TTYH1: variants seen among roughly 807,000 people sequenced by gnomAD.
TTYH1 encodes protein tweety homolog 1.
TTYH1 carries 33 observed loss-of-function variants against 61.2 expected under a neutral mutation model. That is an observed-to-expected ratio of 0.54 (90% confidence interval 0.41 to 0.72). The LOEUF (loss-of-function observed/expected upper bound fraction) is 0.72. Among genes scored for constraint, TTYH1 ranks in the 30% least tolerant of loss-of-function variants. The pLI is 0.00. For missense variants in TTYH1, 538 were observed against 575.8 expected, an observed-to-expected ratio of 0.93 and a Z score of 0.67; for synonymous variants, 308 against 266.4, an observed-to-expected ratio of 1.16 and a Z score of -1.52.
intron 4 of TTYH1, among the ~76,000 whole-genome samples, chr19:54,424,979 C>T (rs1455656662): frequency 6.6e-6 from 1 of 152,096 alleles, no homozygotes; most frequent in African/African-American, 2.4e-5. Context: ...ACCTGGGGTT[C>T]TTGGCCTCAC....
Position 54,436,322 on chromosome 19 carries a change from T to C in TTYH1, c.*43-11T>C, listed in dbSNP as rs747968470. 25 of 1,614,028 alleles carry C rather than the reference T, an allele frequency of 1.5e-5. No homozygotes were observed. The highest frequency in any genetic ancestry group is 2.0e-5 in the Non-Finnish European group (24 of 1,179,998). On this transcript the variant is annotated splice_polypyrimidine_tract_variant and intron_variant, in intron 13 of 13. Coordinates refer to ENST00000376530, the MANE Select transcript of TTYH1 (RefSeq NM_020659.4). This position sits in a 1 kb window ranked among gnomAD's most constrained non-coding sequence, Gnocchi z 4.3. ...CCTGCATCACTGCCCTGTCTCTCCC[T>C]CTCTCCGCAGTTCCTTCCCTGGCTG...
Position 54,421,307 on chromosome 19 carries a change from C to G in TTYH1, c.336C>G (p.Asn112Lys). 6.2e-7 allele frequency: 1 copy of G among 1,613,676 alleles called. No homozygotes were observed. Among genetic ancestry groups the G allele is most frequent in the South Asian group, 1.1e-5 (1 of 91,084 alleles). Residue 112 changes from asparagine (N) to lysine (K), a missense_variant, in exon 3 of 14, where the codon AAC becomes AAG. Asn to Lys is a moderately conservative substitution (Grantham distance 94, BLOSUM62 0). Coordinates refer to ENST00000376530, the MANE Select transcript of TTYH1 (RefSeq NM_020659.4). The surrounding 1 kb of genome is among the most constrained non-coding windows in gnomAD (Gnocchi z 4.8). ...CTGIGIGFYG[N>K]SETSDGVSQL... ...GCATTGGCATCGGTTTCTATGGCAA[C>G]AGTGAGACCAGTGATGGGGTGTCCC...
chr19:54,415,984 G>A lies in TTYH1; in HGVS notation c.126+306G>A. 7.6e-7 allele frequency: 1 copy of A among 1,312,216 alleles called. No individual in the cohort carries two copies. Among genetic ancestry groups the A allele is most frequent in the Non-Finnish European group, 1.0e-6 (1 of 982,496 alleles). 81.3% of individuals were successfully genotyped at this position (1,312,216 alleles called of 1,614,324 possible). ...TCCCGGGTGTCTGATACCTGCCTGG[G>A]AAGCCGGCCTCCAGGGTCATCGGGA... On this transcript the variant is annotated intron_variant, in intron 1 of 13. Coordinates refer to ENST00000376530, the MANE Select transcript of TTYH1 (RefSeq NM_020659.4). This position sits in a 1 kb window ranked among gnomAD's most constrained non-coding sequence, Gnocchi z 5.2.
chr19:54,436,053 T>C lies in TTYH1; in HGVS notation c.1315-38T>C. 6.2e-7 allele frequency: 1 copy of C among 1,605,722 alleles called. No homozygotes were observed. The highest frequency in any genetic ancestry group is 8.5e-7 in the Non-Finnish European group (1 of 1,172,914). ...CAGTACAAAGCCAATTCCCACTCCATTCCCTCCTCTCCCCCGCTACCCCGA... is the reference window on the plus strand; with the variant it reads ...CAGTACAAAGCCAATTCCCACTCCACTCCCTCCTCTCCCCCGCTACCCCGA... On this transcript the variant is annotated intron_variant, in intron 12 of 13. Coordinates refer to ENST00000376530, the MANE Select transcript of TTYH1 (RefSeq NM_020659.4). This position sits in a 1 kb window ranked among gnomAD's most constrained non-coding sequence, Gnocchi z 4.3.
Position 54,435,862 on chromosome 19 carries a change from T to C in TTYH1, c.1303T>C (p.Phe435Leu), listed in dbSNP as rs759538204. The change falls in exon 12 of 14, where the codon TTC becomes CTC. Residue 435 changes from phenylalanine to leucine, a missense_variant. Transcript: ENST00000376530. ...DYDDTDDDDP[F>L]NPQESKRFVQ... is the part of the protein sequence containing the mutation. Reference sequence around the variant, plus strand: ...CGATGACACAGACGATGACGACCCTTTCAACCCTCAGGTACTGGATGCCTG... The same window carrying C: ...CGATGACACAGACGATGACGACCCTCTCAACCCTCAGGTACTGGATGCCTG... The C allele has an allele frequency of 6.2e-7, 1 of 1,610,864 alleles. No homozygotes were observed. Among genetic ancestry groups the C allele is most frequent in the Admixed American group, 1.7e-5 (1 of 60,012 alleles).
Position 54,429,449 on chromosome 19 carries a change from G to C in TTYH1, c.807+70G>C, listed in dbSNP as rs982542508. The C allele has an allele frequency of 1.0e-5, 14 of 1,398,612 alleles. No homozygotes were observed. Among genetic ancestry groups the C allele is most frequent in the Non-Finnish European group, 1.3e-5 (13 of 991,294 alleles). The allele number at this position is 1,398,612 out of a possible 1,614,324, so 86.6% of individuals were successfully genotyped here. A position where few individuals can be genotyped will look rare whatever the true frequency, so the allele number is the denominator to read the frequency against. Reference sequence around the variant, plus strand: ...CTGGAGACTTCAACTTCTGGATCTCGGGATGGCATGGCTTAGTAGAGAAAG... The same window carrying C: ...CTGGAGACTTCAACTTCTGGATCTCCGGATGGCATGGCTTAGTAGAGAAAG... On this transcript the variant is annotated intron_variant, in intron 6 of 13. Transcript: ENST00000376530. This position sits in a 1 kb window ranked among gnomAD's most constrained non-coding sequence, Gnocchi z 5.1.
chr19:54,434,644 T>C lies in TTYH1; in HGVS notation c.1126-898T>C, dbSNP rs932745332. On this transcript the variant is annotated intron_variant, in intron 10 of 13. Coordinates refer to ENST00000376530, the MANE Select transcript of TTYH1 (RefSeq NM_020659.4). The surrounding 1 kb of genome is among the most constrained non-coding windows in gnomAD (Gnocchi z 4.3). ...GTCAACCCCCACTGAATACATACGC[T>C]GTGCAGGTGCTTAGCACTCGGTGAA... The C allele has an allele frequency of 2.0e-5, 3 of 152,270 alleles. No homozygotes were observed. Among genetic ancestry groups the C allele is most frequent in the South Asian group, 2.1e-4 (1 of 4,832 alleles). The allele number at this position is 152,270 out of a possible 1,614,324, so 9.4% of individuals were successfully genotyped here.
intron 12 of TTYH1, 94 bp from the exon 13 acceptor site, chr19:54,435,997 T>C: frequency 6.4e-7 from 1 of 1,574,308 alleles, no homozygotes; most frequent in Admixed American, 1.7e-5. Flanking sequence ...CCCGGACTCC[T>C]GGGTCTGAGG....
intron 4 of TTYH1, among the ~76,000 whole-genome samples, chr19:54,422,915 T>G (rs2083248007): frequency 8.9e-6 from 1 of 112,308 alleles, no homozygotes. Context: ...GGCGATAGAG[T>G]GAGACTCCAT....
At position 54,419,146 on chromosome 19, in the gene TTYH1, G is replaced by A; in HGVS notation, c.145G>A (p.Ala49Thr). ...EYQQALLLVA[A>T]LAGLGLGLSL... ...TCCCCAGGCCTTGTTGCTGGTGGCG[G>A]CCTTGGCGGGCCTGGGCTTGGGCCT... The change falls in exon 2 of 14, where the codon GCC (alanine) becomes ACC (threonine). Residue 49 changes from alanine to threonine, a missense_variant. By Grantham distance (58) the Ala-to-Thr change is moderately conservative. Transcript: ENST00000376530. The surrounding 1 kb of genome is among the most constrained non-coding windows in gnomAD (Gnocchi z 6.1). 1 of 1,612,352 alleles carries A rather than the reference G, an allele frequency of 6.2e-7. No individual in the cohort carries two copies. The highest frequency in any genetic ancestry group is 8.5e-7 in the Non-Finnish European group (1 of 1,179,306).
rs2083560482 is a variant in TTYH1 at position 54,436,681 on chromosome 19, G to A, written c.*391G>A. On this transcript the variant is annotated 3_prime_UTR_variant, in exon 14 of 14. Coordinates refer to ENST00000376530, the MANE Select transcript of TTYH1 (RefSeq NM_020659.4). This position sits in a 1 kb window ranked among gnomAD's most constrained non-coding sequence, Gnocchi z 4.3. ...AACTCGTGGCACTAACTTGGAAAAG[G>A]GTTGATTTAAAATAAAAGGGAAGAC... is the stretch of plus-strand genomic sequence containing the variant. 3 of 470,390 alleles carry A rather than the reference G, an allele frequency of 6.4e-6. No homozygotes were observed. The highest frequency in any genetic ancestry group is 3.5e-5 in the South Asian group (1 of 28,498). The allele number at this position is 470,390 out of a possible 1,614,324, so 29.1% of individuals were successfully genotyped here.
Position 54,420,932 on chromosome 19 carries a change from C to A in TTYH1, c.306-345C>A. On this transcript the variant is annotated intron_variant, in intron 2 of 13. Transcript: ENST00000376530. This position sits in a 1 kb window ranked among gnomAD's most constrained non-coding sequence, Gnocchi z 4.8. Reference sequence around the variant, plus strand: ...ATGCGGGGGAAGGGTGTGGGGCAGGCAGTCCTAGGGAGGGGAAGACGGCCC... The same window carrying A: ...ATGCGGGGGAAGGGTGTGGGGCAGGAAGTCCTAGGGAGGGGAAGACGGCCC... 1 of 372,186 alleles carries A rather than the reference C, an allele frequency of 2.7e-6. No individual in the cohort carries two copies. The highest frequency in any genetic ancestry group is 5.4e-6 in the Non-Finnish European group (1 of 186,598). The allele number at this position is 372,186 out of a possible 1,614,324, so 23.1% of individuals were successfully genotyped here.
Position 54,436,246 on chromosome 19 carries a change from C to A in TTYH1, c.*42+75C>A, listed in dbSNP as rs556930622. ...CTCCCGCCCTCCGAGCTGCTCCAGG[C>A]ATGGGCTGCGTGCCTCCTGCTGGGT... On this transcript the variant is annotated intron_variant, in intron 13 of 13. Coordinates refer to ENST00000376530, the MANE Select transcript of TTYH1 (RefSeq NM_020659.4). The surrounding 1 kb of genome is among the most constrained non-coding windows in gnomAD (Gnocchi z 4.3). 94 of 1,607,766 alleles carry A rather than the reference C, an allele frequency of 5.8e-5. No individual in the cohort carries two copies. The Admixed American group carries it at 1.6e-3, about 27-fold the overall frequency.
At position 54,416,214 on chromosome 19, in the gene TTYH1, A is replaced by G; in HGVS notation, c.126+536A>G. ...CAGGGGCTGAGGACCAGGGCTGGAA[A>G]ATGAAGGGGCTCTGGGAGAGGAAGC... On this transcript the variant is annotated intron_variant, in intron 1 of 13. Coordinates refer to ENST00000376530, the MANE Select transcript of TTYH1 (RefSeq NM_020659.4). This position sits in a 1 kb window ranked among gnomAD's most constrained non-coding sequence, Gnocchi z 7.0. The G allele has an allele frequency of 4.1e-6, 2 of 482,068 alleles. No homozygotes were observed. The highest frequency in any genetic ancestry group is 3.8e-5 in the South Asian group (2 of 53,058). 29.9% of individuals were successfully genotyped at this position (482,068 alleles called of 1,614,324 possible). A position where few individuals can be genotyped will look rare whatever the true frequency, so the allele number is the denominator to read the frequency against.
intron 4 of TTYH1, among the ~76,000 whole-genome samples, chr19:54,422,757 C>T (rs1210531226): frequency 1.3e-5 from 2 of 151,686 alleles, no homozygotes; most frequent in Admixed American, 6.6e-5. Context: ...GGAGAAACCC[C>T]GTCTCTACCA....
At position 54,420,565 on chromosome 19, in the gene TTYH1, G is replaced by C. The variant is rs1446282246; in HGVS notation, c.306-712G>C. 1 of 153,452 alleles carries C rather than the reference G, an allele frequency of 6.5e-6. No individual in the cohort carries two copies. Among genetic ancestry groups the C allele is most frequent in the East Asian group, 1.9e-4 (1 of 5,146 alleles). The allele number at this position is 153,452 out of a possible 1,614,324, so 9.5% of individuals were successfully genotyped here. On this transcript the variant is annotated intron_variant, in intron 2 of 13. Transcript: ENST00000376530. This position sits in a 1 kb window ranked among gnomAD's most constrained non-coding sequence, Gnocchi z 4.8. ...GGACACCGGCCGGGGGCGGGGACGG[G>C]AGGGGTCTGGGGCCCCACATTCAGG...
Position 54,435,839 on chromosome 19 carries a change from A to G in TTYH1, c.1280A>G (p.Asp427Gly). Residue 427 changes from aspartate (D) to glycine (G), a missense_variant, in exon 12 of 14, where the codon GAT (aspartate) becomes GGT (glycine). By Grantham distance (94) the Asp-to-Gly change is moderately conservative. Transcript: ENST00000376530. ...WALFPPSDDYDDTDDDDPFNP... is the reference protein window; with the variant it reads ...WALFPPSDDYGDTDDDDPFNP... ...GCATCAAACCCCAGTGACGACTACG[A>G]TGACACAGACGATGACGACCCTTTC... 6.2e-7 allele frequency: 1 copy of G among 1,613,998 alleles called. No homozygotes were observed.
Position 54,421,459 on chromosome 19 carries a change from G to A in TTYH1, c.417+71G>A, listed in dbSNP as rs1408283886. The A allele has an allele frequency of 9.5e-6, 10 of 1,049,862 alleles. No individual in the cohort carries two copies. Among genetic ancestry groups the A allele is most frequent in the African/African-American group, 7.8e-5 (5 of 64,090 alleles). The allele number at this position is 1,049,862 out of a possible 1,614,324, so 65.0% of individuals were successfully genotyped here. ...GGCTCCCCACACCCAAGGACAAAGG[G>A]ATCCAAACTCAGAGCTAAGACCCCA... On this transcript the variant is annotated intron_variant, in intron 3 of 13. Coordinates refer to ENST00000376530, the MANE Select transcript of TTYH1 (RefSeq NM_020659.4). The surrounding 1 kb of genome is among the most constrained non-coding windows in gnomAD (Gnocchi z 4.8).
At position 54,422,247 on chromosome 19, in the gene TTYH1, G is replaced by A. The variant is rs1327813810; in HGVS notation, c.475G>A (p.Glu159Lys). ...GGTGAGGACAGAGCTGACCACCCTG[G>A]AGGAGGTGCTCGAGCCGCGCACGGA... Reference protein sequence around the residue: ...EAVRTELTTLEEVLEPRTELV... With the variant: ...EAVRTELTTLKEVLEPRTELV... The change falls in exon 4 of 14, where the codon GAG becomes AAG. Residue 159 changes from glutamate to lysine, a missense_variant. Transcript: ENST00000376530. 3.2e-6 allele frequency: 5 copies of A among 1,567,254 alleles called. No homozygotes were observed. The highest frequency in any genetic ancestry group is 4.3e-6 in the Non-Finnish European group (5 of 1,156,560).
Sources: allele counts gnomAD v4.1 joint callset (sites outside exome capture counted in the v4.1 genomes callset), GRCh38; gene constraint gnomAD v4.1.1; non-coding constraint Gnocchi (gnomAD v3.1); transcripts MANE v1.5; gene names NCBI Gene and HGNC (gene_info 2026-07-23, HGNC 2026-07-21).